PIK3C2G: variants seen among roughly 807,000 people sequenced by gnomAD.
PIK3C2G encodes the protein phosphatidylinositol 3-kinase C2 domain-containing subunit gamma.
In PIK3C2G, 168 loss-of-function variants were observed where a neutral mutation model predicts 181.1. The observed-to-expected ratio is 0.93, with a 90% CI of 0.82 to 1.05. The LOEUF (loss-of-function observed/expected upper bound fraction) is 1.05. PIK3C2G is among the 50% of genes least tolerant of loss of function. The probability of loss-of-function intolerance (pLI) is 0.00; values close to 1 mark genes in which losing one functional copy is unlikely to be tolerated. For synonymous variants in PIK3C2G, 573 were observed against 592.2 expected (o/e 0.97, Z 0.47); for missense variants, 1,869 against 1,732.8 (o/e 1.08, Z -1.40).
chr12:18,343,712 G>T (rs1411086705), intron 10 of PIK3C2G, among the ~76,000 whole-genome samples: 1 of 152,050 alleles, frequency 6.6e-6, no homozygotes, highest in African/African-American at 2.4e-5. Context: ...ATATTTTGAT[G>T]TAAGAAAAAT....
chr12:18,359,413 G>T (rs1941038059), intron 11 of PIK3C2G, among the ~76,000 whole-genome samples: 1 of 152,190 alleles, frequency 6.6e-6, no homozygotes, highest in Admixed American at 6.5e-5. Flanking sequence ...TTCTGCTCCT[G>T]CTGAGTGGAA....
chr12:18,724,081 C>T, the PIK3C2G span, among the ~76,000 whole-genome samples: 5 of 151,914 alleles, frequency 3.3e-5, no homozygotes, highest in African/African-American at 4.8e-5. Flanking sequence ...TTGAACTTTA[C>T]GAGAAAAGGC....
At chr12:18,251,751 C>A (rs1948097464) in intron 1 of PIK3C2G, among the ~76,000 whole-genome samples, 1 of 151,954 alleles carries the variant, frequency 6.6e-6, no homozygotes, top group South Asian at 2.1e-4. Flanking sequence ...TAAGGCTTTT[C>A]TATCATCTCA....
upstream of PIK3C2G, among the ~76,000 whole-genome samples, chr12:18,258,321 T>C (rs140407287): frequency 8.3e-4 from 126 of 152,200 alleles, 1 homozygote; most frequent in South Asian, 2.9e-3. Flanking sequence ...GTCTTACAAA[T>C]TTTCAAGTAT....
At chr12:18,360,536 T>A (rs1387770411) in intron 11 of PIK3C2G, among the ~76,000 whole-genome samples, 1 of 152,202 alleles carries the variant, frequency 6.6e-6, no homozygotes, top group Non-Finnish European at 1.5e-5. Flanking sequence ...GTGTTTAGCA[T>A]TTCTTACAAA....
At chr12:18,428,190 A>C (rs962350515) in intron 18 of PIK3C2G, among the ~76,000 whole-genome samples, 1 of 151,998 alleles carries the variant, frequency 6.6e-6, no homozygotes, top group African/African-American at 2.4e-5. Context: ...GAGTTAAAAA[A>C]TATAGCTCAA....
chr12:18,561,845 G>A (rs903356036), intron 26 of PIK3C2G, among the ~76,000 whole-genome samples: 5 of 151,646 alleles, frequency 3.3e-5, no homozygotes, highest in Non-Finnish European at 5.9e-5. Context: ...TATAAAATAC[G>A]TGTCTGTTAA....
chr12:18,422,824 G>C (rs929546720), intron 17 of PIK3C2G, among the ~76,000 whole-genome samples: 2 of 152,022 alleles, frequency 1.3e-5, no homozygotes, highest in African/African-American at 4.8e-5. Flanking sequence ...CTCACTATTA[G>C]GGCATAAATA....
At chr12:18,723,563 G>A in the PIK3C2G span, 2,525 of 1,566,354 alleles carry the variant, frequency 1.6e-3, 31 homozygotes, top group African/African-American at 0.023. Flanking sequence ...AATGACTGGT[G>A]GGCTCACATT....
the PIK3C2G span, chr12:18,719,522 G>A: frequency 6.3e-7 from 1 of 1,585,152 alleles, no homozygotes; most frequent in Non-Finnish European, 8.6e-7. Context: ...TCATTTAATG[G>A]ATGAGTCATA....
At chr12:18,707,695 T>C in the PIK3C2G span, among the ~76,000 whole-genome samples, 2 of 152,074 alleles carry the variant, frequency 1.3e-5, no homozygotes, top group Non-Finnish European at 2.9e-5. Context: ...ATAATTATTG[T>C]CTATGTAATT....
chr12:18,628,309 A>G (rs188367789), intron 31 of PIK3C2G, among the ~76,000 whole-genome samples: 103 of 152,314 alleles, frequency 6.8e-4, no homozygotes, highest in African/African-American at 2.4e-3. Context: ...AGTTGCTGGC[A>G]TACCCCATAA....
the PIK3C2G span, among the ~76,000 whole-genome samples, chr12:18,666,563 A>C: frequency 6.6e-6 from 1 of 152,170 alleles, no homozygotes; most frequent in Non-Finnish European, 1.5e-5. Context: ...CCCCCAAAAT[A>C]TGTGAAGCAA....
At chr12:18,576,739 C>T (rs962170429) in intron 29 of PIK3C2G, among the ~76,000 whole-genome samples, 1 of 152,178 alleles carries the variant, frequency 6.6e-6, no homozygotes, top group South Asian at 2.1e-4. Context: ...CTTAATTCAT[C>T]ACATTGGGTT....
intron 18 of PIK3C2G, among the ~76,000 whole-genome samples, chr12:18,470,570 A>T (rs563053289): frequency 6.6e-6 from 1 of 152,262 alleles, no homozygotes; most frequent in Non-Finnish European, 1.5e-5. Context: ...GAACAATTCA[A>T]TTTTTGTAGC....
intron 15 of PIK3C2G, among the ~76,000 whole-genome samples, chr12:18,397,876 A>G (rs1943990981): frequency 6.6e-6 from 1 of 152,260 alleles, no homozygotes. Flanking sequence ...CCAAATGTCC[A>G]TCAAATAGGA....
At chr12:18,671,657 A>T in the PIK3C2G span, among the ~76,000 whole-genome samples, 4 of 152,160 alleles carry the variant, frequency 2.6e-5, no homozygotes, top group East Asian at 1.9e-4. Flanking sequence ...ATAAAAAAAA[A>T]TTTCATTATT....
rs532858400 is a variant in PIK3C2G at position 18,310,308 on chromosome 12, C to A, written c.1035-3654C>A. 2.4e-3 allele frequency among the ~76,000 whole-genome samples: 365 copies of A among 151,944 alleles called. 1 individual carries two copies. Among genetic ancestry groups the A allele is most frequent in the African/African-American group, 8.4e-3 (349 of 41,524 alleles). On this transcript the variant is annotated intron_variant, in intron 5 of 32. Coordinates refer to ENST00000538779, the MANE Select transcript of PIK3C2G (RefSeq NM_001288772.2). ...TATCAACTGACCCTTCATCCAATAG[C>A]AAAGACTTGATGCTAATATCAGAAC...
intron 2 of PIK3C2G, among the ~76,000 whole-genome samples, chr12:18,283,670 T>C (rs938545478): frequency 1.3e-5 from 2 of 152,122 alleles, no homozygotes; most frequent in Non-Finnish European, 2.9e-5. Context: ...AAAAGAAACA[T>C]CTAATTCTAC....
Sources: allele counts gnomAD v4.1 joint callset (sites outside exome capture counted in the v4.1 genomes callset), GRCh38; gene constraint gnomAD v4.1.1; transcripts MANE v1.5; gene names NCBI Gene and HGNC (gene_info 2026-07-23, HGNC 2026-07-21).